The following HEATR5A variants were observed in gnomAD, a reference collection of about 807,000 sequenced individuals.
HEATR5A encodes the protein HEAT repeat-containing protein 5A.
A neutral mutation model predicts 218.8 loss-of-function variants in HEATR5A; 178 were observed. The observed-to-expected ratio is 0.81, with a 90% CI of 0.72 to 0.92. The LOEUF is 0.92. HEATR5A is among the 40% of genes least tolerant of loss of function. The probability of loss-of-function intolerance (pLI) is 0.00; values close to 1 mark genes in which losing one functional copy is unlikely to be tolerated. For missense variants in HEATR5A, 2,420 were observed against 2,418.9 expected (o/e 1.00, Z -0.01); for synonymous variants, 864 against 871.6 (o/e 0.99, Z 0.15).
At chr14:31,395,394 A>G in intron 4 of HEATR5A, 46 bp from the exon 5 acceptor site, 2 of 1,103,638 alleles carry the variant, frequency 1.8e-6, no homozygotes, top group South Asian at 3.1e-5. Flanking sequence ...ATTAAACTGC[A>G]AAGAACAGGA....
intron 23 of HEATR5A, 90 bp from the exon 24 acceptor site, chr14:31,323,894 A>C (rs1178526218): frequency 8.3e-6 from 7 of 838,998 alleles, no homozygotes; most frequent in Admixed American, 2.9e-5. Context: ...CTTCAAATTC[A>C]GACTAGAATT....
Position 31,294,857 on chromosome 14 carries a change from C to CT in HEATR5A, c.5620-754dup, listed in dbSNP as rs200292364. Among the ~76,000 whole-genome samples the CT allele has an allele frequency of 8.7e-3, 1,328 of 152,226 alleles. 13 individuals are homozygous for CT. The highest frequency in any genetic ancestry group is 0.03 in the African/African-American group (1,254 of 41,524). On this transcript the variant is annotated intron_variant, in intron 34 of 35. Transcript: ENST00000543095. ...GTATTTGATGTTCAAATGTCATGGT[C>CT]TGAGTGTTTCAAGGAACGTCTGGAC...
At chr14:31,394,296 T>C in intron 5 of HEATR5A, 70 bp from the exon 6 acceptor site, 2 of 908,504 alleles carry the variant, frequency 2.2e-6, no homozygotes, top group Non-Finnish European at 3.1e-6. Context: ...CTATGTAAGT[T>C]GCAGAAACTA....
intron 33 of HEATR5A, among the ~76,000 whole-genome samples, chr14:31,300,904 A>T (rs188415150): frequency 2.0e-5 from 3 of 152,082 alleles, no homozygotes; most frequent in East Asian, 1.9e-4. Context: ...CCCATTTTTT[A>T]AAAAAAACCA....
At position 31,293,888 on chromosome 14, in the gene HEATR5A, T is replaced by TATA; in HGVS notation, c.5833+2_5833+3insTAT. 1 of 1,588,516 alleles carries TATA rather than the reference T, an allele frequency of 6.3e-7. No homozygotes were observed. Among genetic ancestry groups the TATA allele is most frequent in the Non-Finnish European group, 8.6e-7 (1 of 1,165,084 alleles). ...TGAGTATGAATTTAGTGCTGACACT[T>TATA]ACGATGGTGTTCTTCAGCAACAGTA... On this transcript the variant is annotated splice_region_variant and intron_variant, in intron 35 of 35. Coordinates refer to ENST00000543095, the MANE Select transcript of HEATR5A (RefSeq NM_015473.4).
intron 20 of HEATR5A, among the ~76,000 whole-genome samples, chr14:31,344,874 C>A (rs1216932319): frequency 6.6e-6 from 1 of 152,170 alleles, no homozygotes; most frequent in Non-Finnish European, 1.5e-5. Flanking sequence ...GTCATTTTAA[C>A]TGTTAAGGAA....
intron 28 of HEATR5A, among the ~76,000 whole-genome samples, chr14:31,309,438 TAACCTA>T (rs992110842): frequency 5.3e-5 from 8 of 152,176 alleles, no homozygotes; most frequent in Admixed American, 5.2e-4. Flanking sequence ...GTTAACAAAA[TAACCTA>T]ACAACATTTT....
At position 31,398,970 on chromosome 14, in the gene HEATR5A, G is replaced by A. The variant is rs571872999; in HGVS notation, c.339-189C>T. On this transcript the variant is annotated intron_variant, in intron 3 of 35. Transcript: ENST00000543095. ...GTCTCATCTATTTTTTGTCAGTTGT[G>A]CTTTTTGGTGCTGTGTCTAAGAAAC... Among the ~76,000 whole-genome samples the A allele has an allele frequency of 5.9e-5, 9 of 152,150 alleles. No individual in the cohort carries two copies. In the South Asian group the frequency reaches 1.7e-3, roughly 28 times the overall value.
intron 1 of HEATR5A, among the ~76,000 whole-genome samples, chr14:31,413,933 T>C (rs2031366243): frequency 6.6e-6 from 1 of 152,242 alleles, no homozygotes; most frequent in Non-Finnish European, 1.5e-5. Flanking sequence ...TTTGTTGTTC[T>C]TTCTCATCAC....
chr14:31,352,748 AG>A (rs1312124838), intron 16 of HEATR5A, among the ~76,000 whole-genome samples: 1 of 152,178 alleles, frequency 6.6e-6, no homozygotes, highest in African/African-American at 2.4e-5. Flanking sequence ...ACCTGATGTC[AG>A]GAGTTTGAGA....
chr14:31,329,273 C>T (rs1033794344), intron 22 of HEATR5A, among the ~76,000 whole-genome samples: 1 of 152,206 alleles, frequency 6.6e-6, no homozygotes, highest in African/African-American at 2.4e-5. Flanking sequence ...CCAACAGTCT[C>T]CCAAAGTCTT....
intron 11 of HEATR5A, among the ~76,000 whole-genome samples, chr14:31,377,790 A>G (rs1225372059): frequency 6.6e-6 from 1 of 152,180 alleles, no homozygotes; most frequent in Non-Finnish European, 1.5e-5. Context: ...AAAAATAAAT[A>G]AGCAAATGAA....
At chr14:31,337,360 T>G in intron 22 of HEATR5A, 116 bp downstream of exon 22, 1 of 775,556 alleles carries the variant, frequency 1.3e-6, no homozygotes, top group South Asian at 2.1e-5. Flanking sequence ...AATTCTTTCT[T>G]GTAGCAGGTT....
intron 32 of HEATR5A, among the ~76,000 whole-genome samples, chr14:31,303,939 C>T (rs1899470813): frequency 1.3e-5 from 2 of 152,056 alleles, no homozygotes; most frequent in Non-Finnish European, 2.9e-5. Context: ...GGCATGGTGG[C>T]TCACACCTGT....
At chr14:31,408,694 C>T (rs1016892762) in intron 1 of HEATR5A, among the ~76,000 whole-genome samples, 11 of 151,632 alleles carry the variant, frequency 7.3e-5, no homozygotes, top group East Asian at 2.0e-4. Flanking sequence ...TCTTTCCTTT[C>T]GATTGGCTCT....
rs866585734 is a variant in HEATR5A, at chr14:31,358,632, T to C, written c.2411+5A>G. Reference sequence around the variant, plus strand: ...TCCATTCACTGAACCATTGAAGATATTTACCTTTGAGTTTCTCCCACATGA... The same window carrying C: ...TCCATTCACTGAACCATTGAAGATACTTACCTTTGAGTTTCTCCCACATGA... On this transcript the variant is annotated splice_donor_5th_base_variant and intron_variant, in intron 16 of 35. Transcript: ENST00000543095. 7.4e-6 allele frequency: 12 copies of C among 1,611,636 alleles called. No homozygotes were observed. Among genetic ancestry groups the C allele is most frequent in the Non-Finnish European group, 9.3e-6 (11 of 1,178,860 alleles).
At chr14:31,318,414 G>A (rs1370565495) in intron 25 of HEATR5A, 122 bp from the exon 26 acceptor site, 4 of 747,412 alleles carry the variant, frequency 5.4e-6, no homozygotes, top group Non-Finnish European at 9.0e-6. Context: ...CTGTTGTTTT[G>A]TCTACCCAGT....
chr14:31,302,428 C>T lies in HEATR5A; in HGVS notation c.5331G>A (p.Ser1777=), dbSNP rs769284731. ...AVKLPGGQLS[S]TVAASLQALK... is the part of the protein sequence containing the mutation. ...GAGCCTGTAGGGAAGCTGCAACTGT[C>T]GAAGATAACTGGCCCCCAGGTAACT... Residue 1777 remains serine (S), a synonymous_variant, in exon 33 of 36, where the codon TCG becomes TCA. Coordinates refer to ENST00000543095, the MANE Select transcript of HEATR5A (RefSeq NM_015473.4). The T allele has an allele frequency of 2.3e-5, 36 of 1,598,438 alleles. 1 individual carries two copies. Among genetic ancestry groups the T allele is most frequent in the South Asian group, 1.9e-4 (17 of 88,290 alleles).
chr14:31,329,457 A>C (rs191217634), intron 22 of HEATR5A, among the ~76,000 whole-genome samples: 43 of 152,322 alleles, frequency 2.8e-4, no homozygotes, highest in African/African-American at 9.6e-4. Flanking sequence ...GTCCCCACGC[A>C]AGTCCAAAAT....
Sources: gnomAD v4.1 joint callset for allele counts (sites outside exome capture counted in the v4.1 genomes callset) on GRCh38, gnomAD v4.1.1 for gene constraint, MANE v1.5 for transcripts, NCBI Gene and HGNC (gene_info 2026-07-23, HGNC 2026-07-21) for gene names.